FAM171A1: variants seen among roughly 807,000 people sequenced by gnomAD.
FAM171A1 encodes protein FAM171A1.
A neutral mutation model predicts 74.9 loss-of-function variants in FAM171A1; 23 were observed. The ratio of observed to expected loss-of-function variants is 0.31; its 90% CI spans 0.22 to 0.44. The LOEUF is 0.44. Among genes scored for constraint, FAM171A1 ranks in the 20% least tolerant of loss-of-function variants. The pLI is 1.00. For synonymous variants in FAM171A1, 527 were observed against 505.7 expected (o/e 1.04, Z -0.57); for missense variants, 1,162 against 1,159.2 (o/e 1.00, Z -0.03).
chr10:15,241,231 C>T (rs904410450), intron 5 of FAM171A1: 1 of 152,210 alleles, frequency 6.6e-6, no homozygotes, highest in African/African-American at 2.4e-5. Context: ...GAGCTGTCAG[C>T]TAACAGGAAA....
chr10:15,242,210 T>C (rs1834372405), intron 5 of FAM171A1, among the ~76,000 whole-genome samples: 1 of 152,190 alleles, frequency 6.6e-6, no homozygotes. Context: ...CGTCTTTAGA[T>C]TTTTTATTTA....
chr10:15,283,743 C>A, intron 2 of FAM171A1, 135 bp downstream of exon 2: 4 of 789,204 alleles, frequency 5.1e-6, no homozygotes, highest in Non-Finnish European at 6.2e-6. Flanking sequence ...CACTATGATG[C>A]CTGGCTAATT....
At chr10:15,229,625 C>CAT (rs1441918562) in intron 5 of FAM171A1, among the ~76,000 whole-genome samples, 1 of 137,060 alleles carries the variant, frequency 7.3e-6, no homozygotes, top group African/African-American at 2.6e-5. Context: ...CCATTGTCAC[C>CAT]CCCATCACCA....
intron 1 of FAM171A1, among the ~76,000 whole-genome samples, chr10:15,334,706 G>A (rs182260984): frequency 2.0e-5 from 3 of 152,134 alleles, no homozygotes; most frequent in Non-Finnish European, 2.9e-5. Flanking sequence ...TCAATACACC[G>A]ATGGGAACTG....
At position 15,341,076 on chromosome 10, in the gene FAM171A1, C is replaced by T. The variant is rs569495807; in HGVS notation, c.97+29880G>A. On this transcript the variant is annotated intron_variant, in intron 1 of 7. Coordinates refer to ENST00000378116, the MANE Select transcript of FAM171A1 (RefSeq NM_001010924.2). The stretch of plus-strand genomic sequence containing the variant: ...AGCACACCTACAAGTGATAGTGAGA[C>T]GTGCACTGACATCAAACATAAAGAC... Among the ~76,000 whole-genome samples, 166 of 152,294 alleles carry T rather than the reference C, an allele frequency of 1.1e-3. 1 individual carries two copies. Among genetic ancestry groups the T allele is most frequent in the African/African-American group, 3.9e-3 (162 of 41,558 alleles).
At chr10:15,287,857 G>A (rs11259594) in intron 1 of FAM171A1, among the ~76,000 whole-genome samples, 7 of 152,032 alleles carry the variant, frequency 4.6e-5, no homozygotes, top group East Asian at 3.9e-4. Flanking sequence ...ATTCTGGTGC[G>A]CCCATCACCC....
At chr10:15,353,533 C>T (rs927033407) in intron 1 of FAM171A1, among the ~76,000 whole-genome samples, 6 of 152,184 alleles carry the variant, frequency 3.9e-5, no homozygotes, top group African/African-American at 4.8e-5. Context: ...AACATTATCT[C>T]ATGAGCATTG....
At chr10:15,258,078 T>A (rs1389794191) in intron 3 of FAM171A1, among the ~76,000 whole-genome samples, 1 of 152,156 alleles carries the variant, frequency 6.6e-6, no homozygotes, top group Non-Finnish European at 1.5e-5. Context: ...CTTTTTTTTC[T>A]CAGAGAGAGT....
intron 5 of FAM171A1, among the ~76,000 whole-genome samples, chr10:15,222,791 C>T (rs1384748794): frequency 1.3e-5 from 2 of 152,240 alleles, no homozygotes; most frequent in Non-Finnish European, 2.9e-5. Flanking sequence ...ATGGCAGCGG[C>T]ACACAGTGGG....
chr10:15,362,156 T>C (rs78282554), intron 1 of FAM171A1, among the ~76,000 whole-genome samples: 1 of 152,198 alleles, frequency 6.6e-6, no homozygotes, highest in African/African-American at 2.4e-5. Flanking sequence ...TATCTACCCA[T>C]CCAGTTTAAG....
intron 1 of FAM171A1, among the ~76,000 whole-genome samples, chr10:15,330,992 C>T (rs1835623784): frequency 6.6e-6 from 1 of 152,044 alleles, no homozygotes. Flanking sequence ...TGGGTTCAAG[C>T]AATTCTCCTG....
chr10:15,341,529 GATCGGATCC>G (rs1406117704), intron 1 of FAM171A1, among the ~76,000 whole-genome samples: 1 of 152,182 alleles, frequency 6.6e-6, no homozygotes, highest in African/African-American at 2.4e-5. Flanking sequence ...GAAGATTTCT[GATCGGATCC>G]ATGGAATTAT....
rs191040747 is a variant in FAM171A1 at position 15,226,789 on chromosome 10, C to T, written c.755-5729G>A. Among the ~76,000 whole-genome samples the T allele has an allele frequency of 2.1e-3, 314 of 152,238 alleles. 2 individuals carry two copies. Among genetic ancestry groups the T allele is most frequent in the African/African-American group, 7.2e-3 (298 of 41,526 alleles). ...TTGCTCTTGCGCTGAATACTCCCCC[C>T]TACCCTCATGTTTATTTCCCTTTTC... On this transcript the variant is annotated intron_variant, in intron 5 of 7. Transcript: ENST00000378116.
At chr10:15,355,183 C>T (rs182608362) in intron 1 of FAM171A1, among the ~76,000 whole-genome samples, 8 of 152,326 alleles carry the variant, frequency 5.3e-5, no homozygotes, top group African/African-American at 1.9e-4. Flanking sequence ...CTTCCAGGCT[C>T]AAGCAATTCT....
chr10:15,340,125 G>A (rs1285847557), intron 1 of FAM171A1, among the ~76,000 whole-genome samples: 2 of 152,128 alleles, frequency 1.3e-5, no homozygotes, highest in Admixed American at 1.3e-4. Context: ...CCCTTCTTAA[G>A]GGCAGAGTAC....
At chr10:15,250,791 C>T (rs186729166) in intron 4 of FAM171A1, among the ~76,000 whole-genome samples, 28 of 152,196 alleles carry the variant, frequency 1.8e-4, no homozygotes, top group South Asian at 4.1e-4. Context: ...AGAGAAACTA[C>T]AGAGACATTA....
intron 1 of FAM171A1, among the ~76,000 whole-genome samples, chr10:15,344,511 C>T (rs1835798188): frequency 6.6e-6 from 1 of 152,204 alleles, no homozygotes; most frequent in African/African-American, 2.4e-5. Context: ...CACCATTGCA[C>T]TCCAGCCTAG....
At chr10:15,260,536 ACTGCTTTC>A (rs1310572949) in intron 3 of FAM171A1, among the ~76,000 whole-genome samples, 13 of 152,182 alleles carry the variant, frequency 8.5e-5, no homozygotes, top group Admixed American at 2.0e-4. Flanking sequence ...CTGGATAAGC[ACTGCTTTC>A]CCATTTCCTC....
intron 3 of FAM171A1, among the ~76,000 whole-genome samples, chr10:15,264,064 G>C (rs142117446): frequency 1.3e-4 from 20 of 152,070 alleles, no homozygotes; most frequent in Non-Finnish European, 2.4e-4. Flanking sequence ...CTGCAACCTT[G>C]AACTCCTGGG....
Sources: gnomAD v4.1 joint callset for allele counts (sites outside exome capture counted in the v4.1 genomes callset) on GRCh38, gnomAD v4.1.1 for gene constraint, MANE v1.5 for transcripts, NCBI Gene and HGNC (gene_info 2026-07-23, HGNC 2026-07-21) for gene names.